Variants in KMT2C observed in about 807,000 individuals in gnomAD.
KMT2C encodes the protein lysine methyltransferase 2C.
A neutral mutation model predicts 507.9 loss-of-function variants in KMT2C; 88 were observed. The ratio of observed to expected loss-of-function variants is 0.17; its 90% CI spans 0.15 to 0.21. The LOEUF is 0.21. KMT2C is among the 10% of genes least tolerant of loss of function. The pLI is 1.00. For synonymous variants in KMT2C, 2,049 were observed against 2,080.8 expected (o/e 0.98, Z 0.42); for missense variants, 4,954 against 5,957.8 (o/e 0.83, Z 5.55).
chr7:152,395,661 C>T (rs911974754), intron 1 of KMT2C, among the ~76,000 whole-genome samples: 10 of 152,126 alleles, frequency 6.6e-5, no homozygotes, highest in Admixed American at 2.6e-4. Context: ...GTGCCTACCA[C>T]CATGCCAGGC....
chr7:152,384,496 C>G (rs2097402562), intron 1 of KMT2C, among the ~76,000 whole-genome samples: 2 of 150,148 alleles, frequency 1.3e-5, no homozygotes, highest in Non-Finnish European at 3.0e-5. Flanking sequence ...CTCCAGAGCT[C>G]TTTCCTGATT....
chr7:152,362,866 T>C (rs977292086), intron 1 of KMT2C, among the ~76,000 whole-genome samples: 2 of 152,258 alleles, frequency 1.3e-5, no homozygotes, highest in African/African-American at 4.8e-5. Context: ...CTGATTTCTA[T>C]TCTTGGTTTT....
chr7:152,400,396 T>C (rs145027234), intron 1 of KMT2C, among the ~76,000 whole-genome samples: 11 of 152,328 alleles, frequency 7.2e-5, no homozygotes, highest in African/African-American at 9.6e-5. Context: ...CTTATTGTAA[T>C]GGAGAAGAAA....
chr7:152,364,247 T>G (rs1479338477), intron 1 of KMT2C, among the ~76,000 whole-genome samples: 1 of 152,046 alleles, frequency 6.6e-6, no homozygotes, highest in Non-Finnish European at 1.5e-5. Context: ...AAAACATGAA[T>G]ATGAGAGAAA....
chr7:152,332,191 C>A (rs1056837544), intron 2 of KMT2C, among the ~76,000 whole-genome samples: 2 of 152,056 alleles, frequency 1.3e-5, no homozygotes, highest in African/African-American at 2.4e-5. Context: ...CAGGAGGCAG[C>A]CTAACAGCTG....
chr7:152,244,631 T>C (rs2095440168), intron 14 of KMT2C, among the ~76,000 whole-genome samples: 1 of 152,226 alleles, frequency 6.6e-6, no homozygotes, highest in Admixed American at 6.5e-5. Flanking sequence ...GGACAATTTG[T>C]ATGAAACAAT....
chr7:152,146,790 CAA>C (rs2091147232), intron 52 of KMT2C, 55 bp from the exon 53 acceptor site: 14 of 1,502,318 alleles, frequency 9.3e-6, no homozygotes, highest in African/African-American at 1.4e-5. Flanking sequence ...GTATAAAAAA[CAA>C]GAGCAAAATG....
chr7:152,210,977 T>C (rs1233185628), intron 23 of KMT2C, among the ~76,000 whole-genome samples: 1 of 152,208 alleles, frequency 6.6e-6, no homozygotes, highest in Non-Finnish European at 1.5e-5. Flanking sequence ...ATCAATAATA[T>C]AGTTCAAGAA....
chr7:152,380,322 C>G (rs1393345891), intron 1 of KMT2C, among the ~76,000 whole-genome samples: 2 of 152,054 alleles, frequency 1.3e-5, no homozygotes, highest in African/African-American at 4.8e-5. Context: ...AATCCCAGCA[C>G]TTTGGGAGGC....
intron 6 of KMT2C, among the ~76,000 whole-genome samples, chr7:152,296,301 G>A (rs993754223): frequency 1.3e-5 from 2 of 151,616 alleles, no homozygotes; most frequent in African/African-American, 4.8e-5. Flanking sequence ...GGGCGTGGTG[G>A]TGGGTGCCTA....
chr7:152,338,787 A>T (rs776182562), intron 2 of KMT2C, among the ~76,000 whole-genome samples: 77 of 152,334 alleles, frequency 5.1e-4, no homozygotes, highest in Non-Finnish European at 1.0e-3. Flanking sequence ...AAAGTGTAGC[A>T]TGTAAGTTTT....
At chr7:152,185,496 T>C (rs1226748430) in intron 34 of KMT2C, 62 bp downstream of exon 34, 4 of 1,272,476 alleles carry the variant, frequency 3.1e-6, no homozygotes, top group South Asian at 1.2e-5. Context: ...ATTAACCTAA[T>C]ACAAATAAGG....
At chr7:152,378,840 TCA>T (rs1330489601) in intron 1 of KMT2C, among the ~76,000 whole-genome samples, 1 of 152,216 alleles carries the variant, frequency 6.6e-6, no homozygotes, top group Non-Finnish European at 1.5e-5. Flanking sequence ...TCAGAAGTTC[TCA>T]GTTTTGGGGG....
intron 16 of KMT2C, 107 bp from the exon 17 acceptor site, chr7:152,230,428 G>T: frequency 1.9e-6 from 1 of 516,330 alleles, no homozygotes; most frequent in Non-Finnish European, 3.5e-6. Flanking sequence ...TTTTGGCTAA[G>T]GTCTAGAATA....
At chr7:152,343,503 TA>T (rs1276412354) in intron 2 of KMT2C, among the ~76,000 whole-genome samples, 1 of 127,738 alleles carries the variant, frequency 7.8e-6, no homozygotes, top group Non-Finnish European at 1.7e-5. Context: ...TACAAAAAGG[TA>T]ACATGTAATG....
At chr7:152,147,722 A>G (rs866446978) in intron 52 of KMT2C, among the ~76,000 whole-genome samples, 4 of 143,190 alleles carry the variant, frequency 2.8e-5, no homozygotes, top group South Asian at 2.2e-4. Flanking sequence ...AAAAAAAAAA[A>G]AAAAAAGAAA....
intron 6 of KMT2C, among the ~76,000 whole-genome samples, chr7:152,275,622 C>G (rs1209599003): frequency 6.6e-6 from 1 of 152,038 alleles, no homozygotes; most frequent in South Asian, 2.1e-4. Context: ...AGTGTAATAA[C>G]CAGCTTTTAC....
In KMT2C at chr7:152,176,951, T is replaced by A. The variant is rs138845109; in HGVS notation, c.8502A>T (p.Glu2834Asp). The change falls in exon 38 of 59, where the codon GAA (glutamate) becomes GAT (aspartate). Residue 2834 changes from glutamate (E) to aspartate (D), a missense_variant. Transcript: ENST00000262189. ...TEVLSPNSKV[E>D]SKCETEKNDE... ...CATTTTTTTCAGTTTCACATTTGGA[T>A]TCCACCTTAGAATTTGGAGACAGTA... 864 of 1,614,192 alleles carry A rather than the reference T, an allele frequency of 5.4e-4. 5 individuals carry two copies. In the African/African-American group the frequency reaches 9.8e-3, roughly 18 times the overall value.
chr7:152,277,783 T>G (rs2096112002), intron 6 of KMT2C, among the ~76,000 whole-genome samples: 1 of 152,208 alleles, frequency 6.6e-6, no homozygotes, highest in South Asian at 2.1e-4. Context: ...AAAATCATTA[T>G]TTTTCTAGGC....
Sources: gnomAD v4.1 joint callset for allele counts (sites outside exome capture counted in the v4.1 genomes callset) on GRCh38, gnomAD v4.1.1 for gene constraint, MANE v1.5 for transcripts, NCBI Gene and HGNC (gene_info 2026-07-23, HGNC 2026-07-21) for gene names.